RASA3: variants seen among roughly 807,000 people sequenced by gnomAD.
RASA3 encodes the protein ras GTPase-activating protein 3.
A neutral mutation model predicts 110.0 loss-of-function variants in RASA3; 73 were observed. The ratio of observed to expected loss-of-function variants is 0.66; its 90% CI spans 0.55 to 0.81. The LOEUF (loss-of-function observed/expected upper bound fraction) is 0.81, where lower values mean the gene tolerates loss of function less well. Ranked by LOEUF, RASA3 falls within the 30% of genes least tolerant of loss-of-function variation. The probability of loss-of-function intolerance (pLI) is 0.00; values close to 1 mark genes in which losing one functional copy is unlikely to be tolerated. For synonymous variants in RASA3, 500 were observed against 451.4 expected (o/e 1.11, Z -1.37); for missense variants, 976 against 1,113.2 (o/e 0.88, Z 1.75).
chr13:113,996,682 C>T lies in RASA3; in HGVS notation c.1990G>A (p.Glu664Lys), dbSNP rs1298837694. The T allele has an allele frequency of 6.2e-7, 1 of 1,613,864 alleles. No homozygotes were observed. Among genetic ancestry groups the T allele is most frequent in the Admixed American group, 1.7e-5 (1 of 60,030 alleles). Residue 664 changes from glutamate (E) to lysine (K), a missense_variant, in exon 21 of 24, where the codon GAG becomes AAG. Glu to Lys is a moderately conservative substitution (Grantham distance 56, BLOSUM62 1). Coordinates refer to ENST00000334062, the MANE Select transcript of RASA3 (RefSeq NM_007368.4). ...AGAATGTCGATCCAGTCCTTGGCCT[C>T]CACGCAGTTGTTGGCCTGGATGTAC... ...ALYIQANNCV[E>K]AKDWIDILTK...
At chr13:114,060,019 G>A (rs903170877) in intron 2 of RASA3, among the ~76,000 whole-genome samples, 5 of 152,254 alleles carry the variant, frequency 3.3e-5, no homozygotes, top group Non-Finnish European at 5.9e-5. Flanking sequence ...CTTGAACAGC[G>A]CTGTGGACGG....
intron 1 of RASA3, among the ~76,000 whole-genome samples, chr13:114,125,256 G>GC (rs1414820400): frequency 6.6e-6 from 1 of 152,148 alleles, no homozygotes; most frequent in African/African-American, 2.4e-5. Flanking sequence ...GGCTGTTCTT[G>GC]CATTGCTATA....
chr13:114,032,644 T>C (rs1594356631), intron 4 of RASA3, among the ~76,000 whole-genome samples: 1 of 140,000 alleles, frequency 7.1e-6, no homozygotes, highest in Non-Finnish European at 1.6e-5. Context: ...CTTGATACTA[T>C]GCCCCACGGC....
intron 16 of RASA3, among the ~76,000 whole-genome samples, chr13:114,009,665 A>T (rs1176304244): frequency 6.6e-6 from 1 of 152,250 alleles, no homozygotes; most frequent in Non-Finnish European, 1.5e-5. Context: ...AACGAAGACC[A>T]TCAGACCTGC....
At chr13:114,064,084 T>C (rs898210021) in intron 2 of RASA3, among the ~76,000 whole-genome samples, 2 of 152,206 alleles carry the variant, frequency 1.3e-5, no homozygotes, top group Non-Finnish European at 2.9e-5. Context: ...TTAAGGAGGA[T>C]CTTTTTTGAA....
chr13:114,009,517 G>T (rs943757820), intron 16 of RASA3, 53 bp from the exon 17 acceptor site: 2 of 1,189,292 alleles, frequency 1.7e-6, no homozygotes, highest in Non-Finnish European at 2.5e-6. Flanking sequence ...TCGGCTCACG[G>T]CCCAAATCTG....
Position 114,073,809 on chromosome 13 carries a change from C to T in RASA3, c.84G>A (p.Pro28=), listed in dbSNP as rs765449940. The T allele has an allele frequency of 6.8e-6, 11 of 1,614,068 alleles. No homozygotes were observed. Among genetic ancestry groups the T allele is most frequent in the African/African-American group, 2.7e-5 (2 of 74,930 alleles). Residue 28 remains proline (P), a synonymous_variant, in exon 2 of 24, where the codon CCG becomes CCA. Coordinates refer to ENST00000334062, the MANE Select transcript of RASA3 (RefSeq NM_007368.4). Reference sequence around the variant, plus strand: ...AGCAATCCCTCATCTTGCTCGGCCCCGGGTAAGAGGGAAGGTTTTTGGCTT... The same window carrying T: ...AGCAATCCCTCATCTTGCTCGGCCCTGGGTAAGAGGGAAGGTTTTTGGCTT... ...IGEAKNLPSY[P]GPSKMRDCYC...
intron 1 of RASA3, among the ~76,000 whole-genome samples, chr13:114,126,141 C>T (rs1235629851): frequency 2.4e-5 from 3 of 124,960 alleles, no homozygotes; most frequent in Middle Eastern, 4.3e-3. Flanking sequence ...TGTCCAACCT[C>T]GCACCCTCCA....
intron 3 of RASA3, among the ~76,000 whole-genome samples, chr13:114,044,956 A>C (rs2079029350): frequency 6.6e-6 from 1 of 152,274 alleles, no homozygotes; most frequent in Admixed American, 6.5e-5. Flanking sequence ...TACTTCACTT[A>C]ATTTTTTAAT....
At chr13:114,042,521 T>A (rs9525348) in intron 3 of RASA3, among the ~76,000 whole-genome samples, 2 of 152,122 alleles carry the variant, frequency 1.3e-5, no homozygotes, top group African/African-American at 4.8e-5. Flanking sequence ...GTCACTGAAG[T>A]GAGAAACTCT....
Position 114,016,196 on chromosome 13 carries a change from CCA to C in RASA3, c.1280_1281del (p.Met427ArgfsTer16). On this transcript the variant is annotated frameshift_variant and splice_region_variant, in exon 13 of 24. Transcript: ENST00000334062. LOFTEE classifies it high-confidence loss of function. ...LKDGENLENN[M>X]ENLRQYVDRV... ...TTGGTTGGTTCATGAACAAAACCTACCATGTTGTTTTCAAGGTTTTCTCCGTC... is the reference window on the plus strand; with the variant it reads ...TTGGTTGGTTCATGAACAAAACCTACTGTTGTTTTCAAGGTTTTCTCCGTC... 1 of 1,580,442 alleles carries C rather than the reference CCA, an allele frequency of 6.3e-7. No homozygotes were observed. Among genetic ancestry groups the C allele is most frequent in the Non-Finnish European group, 8.7e-7 (1 of 1,149,734 alleles).
chr13:114,068,441 C>T (rs529467327), intron 2 of RASA3, among the ~76,000 whole-genome samples: 9 of 152,358 alleles, frequency 5.9e-5, no homozygotes, highest in African/African-American at 1.4e-4. Context: ...AATGAGGACA[C>T]GACACTTACT....
chr13:114,104,606 TCAGCCACCCCGTG>T (rs1251349319), intron 1 of RASA3, among the ~76,000 whole-genome samples: 1 of 152,144 alleles, frequency 6.6e-6, no homozygotes, highest in Admixed American at 6.5e-5. Context: ...AAGCCTCTCA[TCAGCCACCCCGTG>T]GAGAACCACA....
chr13:113,978,161 G>A lies in RASA3; in HGVS notation c.*1186C>T, dbSNP rs911535114. The A allele has an allele frequency of 6.6e-6, 1 of 152,184 alleles. No homozygotes were observed. Among genetic ancestry groups the A allele is most frequent in the Non-Finnish European group, 1.5e-5 (1 of 68,058 alleles). The allele number at this position is 152,184 out of a possible 1,614,324, so 9.4% of individuals were successfully genotyped here. On this transcript the variant is annotated 3_prime_UTR_variant, in exon 24 of 24. Transcript: ENST00000334062. ...TGTGAGGTCTGGAGGGGTCTGCCTGGACCCCATTTTTAGGATGCTCCCCTC... is the reference window on the plus strand; with the variant it reads ...TGTGAGGTCTGGAGGGGTCTGCCTGAACCCCATTTTTAGGATGCTCCCCTC...
Position 114,015,190 on chromosome 13 carries a change from G to A in RASA3, c.1405+19C>T, listed in dbSNP as rs1331493002. The A allele has an allele frequency of 6.2e-7, 1 of 1,612,534 alleles. No homozygotes were observed. The highest frequency in any genetic ancestry group is 1.7e-5 in the Admixed American group (1 of 60,028). ...CTATGGCAGTTTCTCAGCAACATGA[G>A]GGTGTTCAGGGCACTCACCCTGGAA... On this transcript the variant is annotated intron_variant, in intron 14 of 23. Coordinates refer to ENST00000334062, the MANE Select transcript of RASA3 (RefSeq NM_007368.4).
chr13:114,077,931 C>G (rs1050882755), intron 1 of RASA3: 1 of 984,650 alleles, frequency 1.0e-6, no homozygotes, highest in Non-Finnish European at 1.2e-6. Context: ...CCTCAGGCTT[C>G]TGATGCCATC....
rs182606329 is a variant in RASA3 at position 114,017,932 on chromosome 13, A to G, written c.1091+172T>C. Among the ~76,000 whole-genome samples the G allele has an allele frequency of 1.8e-4, 27 of 152,298 alleles. No individual in the cohort carries two copies. The East Asian group carries it at 4.2e-3, about 24-fold the overall frequency. On this transcript the variant is annotated intron_variant, in intron 11 of 23. Coordinates refer to ENST00000334062, the MANE Select transcript of RASA3 (RefSeq NM_007368.4). ...AAAGGCAAATGGGACTTTCAAAAAA[A>G]AAAAAAAGAATCATTAACTGGGTCT...
rs145164776 is a variant in RASA3 at position 114,100,422 on chromosome 13, G to A, written c.56-26585C>T. Reference sequence around the variant, plus strand: ...CCCGCCTGCAAAGCACTTGGTCAGCGTGGCCTGGAAAGGGGAGGAAGGTCC... The same window carrying A: ...CCCGCCTGCAAAGCACTTGGTCAGCATGGCCTGGAAAGGGGAGGAAGGTCC... On this transcript the variant is annotated intron_variant, in intron 1 of 23. Coordinates refer to ENST00000334062, the MANE Select transcript of RASA3 (RefSeq NM_007368.4). Among the ~76,000 whole-genome samples, 6 of 152,348 alleles carry A rather than the reference G, an allele frequency of 3.9e-5. 1 individual carries two copies. The highest frequency in any genetic ancestry group is 2.1e-4 in the South Asian group (1 of 4,830).
chr13:114,109,092 C>T (rs2080180496), intron 1 of RASA3, among the ~76,000 whole-genome samples: 1 of 152,186 alleles, frequency 6.6e-6, no homozygotes, highest in East Asian at 1.9e-4. Flanking sequence ...TGTTTCTCCC[C>T]AACTGGATTC....
Sources: allele counts gnomAD v4.1 joint callset (sites outside exome capture counted in the v4.1 genomes callset), GRCh38; gene constraint gnomAD v4.1.1; transcripts MANE v1.5; gene names NCBI Gene and HGNC (gene_info 2026-07-23, HGNC 2026-07-21).